The following NRAP variants were observed in gnomAD, a reference collection of about 807,000 sequenced individuals.
NRAP encodes the protein nebulin related anchoring protein.
Under a neutral mutation model 225.9 loss-of-function variants are expected in NRAP, and 189 were observed. The observed-to-expected ratio is 0.84, with a 90% CI of 0.74 to 0.94. The LOEUF (loss-of-function observed/expected upper bound fraction) is 0.94. Among genes scored for constraint, NRAP ranks in the 40% least tolerant of loss-of-function variants. NRAP has a pLI of 0.00. For synonymous variants in NRAP, 769 were observed against 790.7 expected, an observed-to-expected ratio of 0.97 and a Z score of 0.46; for missense variants, 2,176 against 2,168.7, an observed-to-expected ratio of 1.00 and a Z score of -0.07.
chr10:113,661,019 C>T (rs544609764), intron 3 of NRAP, among the ~76,000 whole-genome samples: 1 of 152,130 alleles, frequency 6.6e-6, no homozygotes, highest in Non-Finnish European at 1.5e-5. Flanking sequence ...GTGTTCAGTA[C>T]TCTGTTTAAG....
Position 113,588,982 on chromosome 10 carries a change from AGCAGGGCCTTCTTCTTTTTGACGT to A in NRAP, c.5162_5185del (p.His1721_Leu1728del), listed in dbSNP as rs766214415. ...AATCAGGGTGGACATGGCTCACAAC[AGCAGGGCCTTCTTCTTTTTGACGT>A]GCAGAATCTCAGTGGCATCTGGGTT... is the stretch of plus-strand genomic sequence containing the variant. On this transcript the variant is annotated inframe_deletion, in exon 42 of 42. Transcript: ENST00000359988. The A allele has an allele frequency of 6.2e-7, 1 of 1,613,140 alleles. No homozygotes were observed. The highest frequency in any genetic ancestry group is 1.7e-5 in the Admixed American group (1 of 60,016).
Position 113,639,017 on chromosome 10 carries a change from C to T in NRAP, c.1428+1210G>A, listed in dbSNP as rs1246068630. On this transcript the variant is annotated intron_variant, in intron 14 of 41. Coordinates refer to ENST00000359988, the MANE Select transcript of NRAP (RefSeq NM_198060.4). ...ACTTATTAGGCATGATTTATAGAAT[C>T]CTACTGCAAAAGCACATATTCAAAT... is the stretch of plus-strand genomic sequence containing the variant. 1.2e-4 allele frequency among the ~76,000 whole-genome samples: 18 copies of T among 150,476 alleles called. No homozygotes were observed. The Admixed American group carries it at 1.2e-3, about 10-fold the overall frequency.
Position 113,612,434 on chromosome 10 carries a change from A to G in NRAP, c.3301-3T>C. On this transcript the variant is annotated splice_region_variant and splice_polypyrimidine_tract_variant and intron_variant, in intron 29 of 41. Transcript: ENST00000359988. ...TCAAAGCCTTTCTTGTAATTCACCT[A>G]GAGGGGCAGACAGAGCAACAGCAGC... 1 of 1,613,352 alleles carries G rather than the reference A, an allele frequency of 6.2e-7. No individual in the cohort carries two copies. Among genetic ancestry groups the G allele is most frequent in the East Asian group, 2.2e-5 (1 of 44,880 alleles).
chr10:113,653,897 C>T, intron 5 of NRAP, 124 bp downstream of exon 5: 1 of 732,332 alleles, frequency 1.4e-6, no homozygotes, highest in Non-Finnish European at 2.5e-6. Context: ...GGGATTAGGA[C>T]ATGGGTATCT....
chr10:113,662,560 T>G (rs1850745690), intron 3 of NRAP, 119 bp downstream of exon 3: 2 of 682,064 alleles, frequency 2.9e-6, no homozygotes, highest in South Asian at 1.7e-5. Flanking sequence ...AGTGTTGGAA[T>G]TGTAGGTGTG....
intron 9 of NRAP, 23 bp from the exon 10 acceptor site, chr10:113,647,050 C>T (rs759803069): frequency 6.8e-7 from 1 of 1,475,242 alleles, no homozygotes; most frequent in Non-Finnish European, 9.5e-7. Context: ...TCAAAAACTT[C>T]AGTGAGTAAT....
At chr10:113,639,953 G>T (rs532610323) in intron 14 of NRAP, among the ~76,000 whole-genome samples, 3 of 152,282 alleles carry the variant, frequency 2.0e-5, no homozygotes, top group South Asian at 2.1e-4. Context: ...AGCAGGCAAA[G>T]CTCACTGAAT....
chr10:113,589,028 G>C lies in NRAP; in HGVS notation c.5140C>G (p.Pro1714Ala). Residue 1714 changes from proline (P) to alanine (A), a missense_variant, in exon 42 of 42, where the codon CCA becomes GCA. By Grantham distance (27) the Pro-to-Ala change is conservative (BLOSUM62 -1). Coordinates refer to ENST00000359988, the MANE Select transcript of NRAP (RefSeq NM_198060.4). ...AGDHQSGEVN[P>A]DATEILHVKK... is the part of the protein sequence containing the mutation. ...ACGTGCAGAATCTCAGTGGCATCTG[G>C]GTTCACCTCCCCACTCTGATGATCT... 1 of 1,613,940 alleles carries C rather than the reference G, an allele frequency of 6.2e-7. No homozygotes were observed. The highest frequency in any genetic ancestry group is 8.5e-7 in the Non-Finnish European group (1 of 1,179,992).
intron 32 of NRAP, among the ~76,000 whole-genome samples, chr10:113,607,874 C>T (rs1030741548): frequency 6.6e-6 from 1 of 152,174 alleles, no homozygotes; most frequent in African/African-American, 2.4e-5. Flanking sequence ...TGCACCTGCC[C>T]TCTGCTGGAT....
At position 113,646,941 on chromosome 10, in the gene NRAP, A is replaced by C; in HGVS notation, c.975T>G (p.Ala325=). 1 of 1,613,594 alleles carries C rather than the reference A, an allele frequency of 6.2e-7. No individual in the cohort carries two copies. The highest frequency in any genetic ancestry group is 8.5e-7 in the Non-Finnish European group (1 of 1,179,538). ...ITPAYQNAKK[A]HELASDIKYR... ...TACTTACGTCACTAGCGAGTTCGTG[A>C]GCTTTCTTGGCGTTCTGATATGCTG... The change falls in exon 10 of 42, where the codon GCT becomes GCG. Residue 325 remains alanine, a synonymous_variant. Coordinates refer to ENST00000359988, the MANE Select transcript of NRAP (RefSeq NM_198060.4).
At chr10:113,625,597 G>A (rs1414624291) in intron 21 of NRAP, among the ~76,000 whole-genome samples, 1 of 152,182 alleles carries the variant, frequency 6.6e-6, no homozygotes, top group Non-Finnish European at 1.5e-5. Flanking sequence ...CCTCCTTGGT[G>A]TAGAGAACTA....
chr10:113,632,890 TGG>T (rs1848651292), intron 16 of NRAP, among the ~76,000 whole-genome samples, 192 bp downstream of exon 16: 1 of 152,234 alleles, frequency 6.6e-6, no homozygotes, highest in Non-Finnish European at 1.5e-5. Flanking sequence ...TGGGAATAAA[TGG>T]CTATGACCAA....
At chr10:113,608,271 AG>A in intron 32 of NRAP, 142 bp downstream of exon 32, 1 of 586,204 alleles carries the variant, frequency 1.7e-6, no homozygotes, top group Non-Finnish European at 3.0e-6. Context: ...GAAAATGTTT[AG>A]GTTCCATATA....
intron 35 of NRAP, among the ~76,000 whole-genome samples, chr10:113,598,468 T>G (rs1201712231): frequency 1.0e-5 from 1 of 96,590 alleles, no homozygotes; most frequent in Non-Finnish European, 2.0e-5. Flanking sequence ...CTGCACACTG[T>G]TCAGGCTTTG....
intron 7 of NRAP, 139 bp from the exon 8 acceptor site, chr10:113,650,684 G>A: frequency 3.0e-6 from 2 of 660,698 alleles, no homozygotes; most frequent in South Asian, 3.5e-5. Flanking sequence ...ACAGTTTGAT[G>A]GGCCATGTGC....
At chr10:113,614,772 T>C (rs1847542786) in intron 28 of NRAP, 67 bp downstream of exon 28, 1 of 942,324 alleles carries the variant, frequency 1.1e-6, no homozygotes, top group African/African-American at 1.6e-5. Flanking sequence ...AGGCAGGAGT[T>C]ACGGGCAAAA....
At chr10:113,618,194 C>A (rs1256469155) in intron 25 of NRAP, among the ~76,000 whole-genome samples, 10 of 151,488 alleles carry the variant, frequency 6.6e-5, no homozygotes, top group African/African-American at 2.4e-4. Flanking sequence ...ACCTAGATAC[C>A]CAATTTTGAA....
At position 113,641,467 on chromosome 10, in the gene NRAP, T is replaced by C; in HGVS notation, c.1221A>G (p.Lys407=). 1 of 1,606,958 alleles carries C rather than the reference T, an allele frequency of 6.2e-7. No individual in the cohort carries two copies. ...TGTGGTTCTGGTAGTTTTCTTTATA[T>C]TTATTCTACATGGAAACGCAAAGTT... The part of the protein sequence containing the change: ...SKISKFTSDN[K]YKENYQNHMR... Residue 407 remains lysine, a synonymous_variant, in exon 13 of 42, where the codon AAA becomes AAG. Transcript: ENST00000359988.
At chr10:113,615,031 T>A in intron 27 of NRAP, 85 bp from the exon 28 acceptor site, 1 of 832,788 alleles carries the variant, frequency 1.2e-6, no homozygotes, top group Non-Finnish European at 2.1e-6. Context: ...GCAATCTGGT[T>A]TGTGGTGGGT....
Sources: gnomAD v4.1 joint callset for allele counts (sites outside exome capture counted in the v4.1 genomes callset) on GRCh38, gnomAD v4.1.1 for gene constraint, MANE v1.5 for transcripts, NCBI Gene and HGNC (gene_info 2026-07-23, HGNC 2026-07-21) for gene names.